THRB: variants seen among roughly 807,000 people sequenced by gnomAD.
THRB encodes the protein thyroid hormone receptor beta.
A neutral mutation model predicts 47.8 loss-of-function variants in THRB; 12 were observed. That is an observed-to-expected ratio of 0.25 (90% confidence interval 0.16 to 0.41). THRB has a LOEUF of 0.41. Ranked by LOEUF, THRB falls within the 10% of genes least tolerant of loss-of-function variation. THRB has a pLI of 1.00. For synonymous variants in THRB, 218 were observed against 212.2 expected (o/e 1.03, Z -0.24); for missense variants, 348 against 589.2 (o/e 0.59, Z 4.24).
intron 1 of THRB, among the ~76,000 whole-genome samples, chr3:24,463,452 T>C (rs900221593): frequency 6.6e-6 from 1 of 152,154 alleles, no homozygotes; most frequent in Non-Finnish European, 1.5e-5. Flanking sequence ...TATTATTTTG[T>C]AGAGACAGGG....
chr3:24,232,809 T>C (rs1167492040), intron 3 of THRB, among the ~76,000 whole-genome samples: 1 of 152,096 alleles, frequency 6.6e-6, no homozygotes, highest in Non-Finnish European at 1.5e-5. Context: ...TTAAGTGACA[T>C]TTAAGAGGTA....
chr3:24,122,535 G>C lies in THRB; in HGVS notation c.*349C>G, dbSNP rs571182513. On this transcript the variant is annotated 3_prime_UTR_variant, in exon 11 of 11. Coordinates refer to ENST00000646209, the MANE Select transcript of THRB (RefSeq NM_001354712.2). ...GTGGTCGTATTATCTTGGTTTTAAG[G>C]CTTCTTTAGTGTCCTGTGGCGCCAT... The C allele has an allele frequency of 8.3e-6, 3 of 360,984 alleles. No homozygotes were observed. Among genetic ancestry groups the C allele is most frequent in the South Asian group, 2.5e-5 (1 of 39,766 alleles). The allele number at this position is 360,984 out of a possible 1,614,324, so 22.4% of individuals were successfully genotyped here.
At chr3:24,149,000 G>A (rs1033952945) in intron 6 of THRB, among the ~76,000 whole-genome samples, 3 of 152,122 alleles carry the variant, frequency 2.0e-5, no homozygotes, top group East Asian at 1.9e-4. Flanking sequence ...TCATTCACAC[G>A]CAGGGCAGTT....
At chr3:24,230,440 C>T (rs2048137779) in intron 3 of THRB, among the ~76,000 whole-genome samples, 2 of 152,166 alleles carry the variant, frequency 1.3e-5, no homozygotes, top group Non-Finnish European at 2.9e-5. Flanking sequence ...GCCAAATTGG[C>T]ACCTGATGGA....
At chr3:24,350,836 C>G (rs1182600092) in intron 1 of THRB, among the ~76,000 whole-genome samples, 1 of 151,994 alleles carries the variant, frequency 6.6e-6, no homozygotes, top group Admixed American at 6.6e-5. Flanking sequence ...AAGGTAATTT[C>G]TTTAAGAAAT....
At chr3:24,331,969 T>C (rs2061957642) in intron 2 of THRB, among the ~76,000 whole-genome samples, 1 of 152,186 alleles carries the variant, frequency 6.6e-6, no homozygotes. Context: ...GGGCCTCCAG[T>C]AGCTGCCTAA....
intron 1 of THRB, among the ~76,000 whole-genome samples, chr3:24,389,617 T>C (rs1213457661): frequency 6.6e-6 from 1 of 152,166 alleles, no homozygotes; most frequent in East Asian, 1.9e-4. Flanking sequence ...TCTAATGGAA[T>C]GCAAAATGTA....
chr3:24,482,124 T>C (rs1696528909), intron 1 of THRB, among the ~76,000 whole-genome samples: 1 of 152,232 alleles, frequency 6.6e-6, no homozygotes, highest in South Asian at 2.1e-4. Flanking sequence ...CTCTCTTTGA[T>C]TTCCTGCCTT....
chr3:24,263,878 A>G (rs1317106390), intron 3 of THRB, among the ~76,000 whole-genome samples: 1 of 152,218 alleles, frequency 6.6e-6, no homozygotes, highest in Non-Finnish European at 1.5e-5. Flanking sequence ...TGTAATAAGT[A>G]CACAAGTCCT....
intron 1 of THRB, among the ~76,000 whole-genome samples, chr3:24,372,343 C>T (rs1026983282): frequency 4.6e-5 from 7 of 152,020 alleles, no homozygotes; most frequent in East Asian, 1.9e-4. Context: ...TCTTATCCTT[C>T]GACCCCTACC....
In THRB at chr3:24,152,500, A is replaced by G; in HGVS notation, c.284-10T>C. ...TAACTGGGGATGTACCCTGTGAAGG[A>G]AATAAAAGAAGGAATATTAAAAAAT... On this transcript the variant is annotated splice_polypyrimidine_tract_variant and intron_variant, in intron 5 of 10. Coordinates refer to ENST00000646209, the MANE Select transcript of THRB (RefSeq NM_001354712.2). The G allele has an allele frequency of 7.3e-7, 1 of 1,371,184 alleles. No individual in the cohort carries two copies. Among genetic ancestry groups the G allele is most frequent in the Non-Finnish European group, 1.0e-6 (1 of 958,818 alleles). 84.9% of individuals were successfully genotyped at this position (1,371,184 alleles called of 1,614,324 possible). A position where few individuals can be genotyped will look rare whatever the true frequency, so the allele number is the denominator to read the frequency against.
At chr3:24,152,667 C>T (rs968399428) in intron 5 of THRB, among the ~76,000 whole-genome samples, 177 bp from the exon 6 acceptor site, 11 of 152,008 alleles carry the variant, frequency 7.2e-5, no homozygotes, top group Non-Finnish European at 1.5e-4. Flanking sequence ...AACATAGGCC[C>T]AGGATTTCAG....
intron 10 of THRB, 86 bp from the exon 11 acceptor site, chr3:24,123,211 G>A (rs2032024558): frequency 6.3e-7 from 1 of 1,591,658 alleles, no homozygotes; most frequent in Non-Finnish European, 8.6e-7. Flanking sequence ...TTATTGGGGG[G>A]CGGGCAGATC....
intron 3 of THRB, among the ~76,000 whole-genome samples, chr3:24,260,940 C>T (rs1394487746): frequency 6.6e-6 from 1 of 152,190 alleles, no homozygotes; most frequent in Admixed American, 6.5e-5. Flanking sequence ...TTGCTGGCCC[C>T]AACCCCAGAG....
chr3:24,370,173 A>C (rs546749445), intron 1 of THRB, among the ~76,000 whole-genome samples: 1 of 152,280 alleles, frequency 6.6e-6, no homozygotes, highest in South Asian at 2.1e-4. Flanking sequence ...AATAATAAAA[A>C]GTCAGCTGAC....
chr3:24,289,283 A>C (rs1170351580), intron 3 of THRB, among the ~76,000 whole-genome samples: 3 of 152,246 alleles, frequency 2.0e-5, no homozygotes, highest in Admixed American at 2.0e-4. Context: ...TGTTTCATAA[A>C]CTGTATCACA....
intron 8 of THRB, among the ~76,000 whole-genome samples, chr3:24,135,075 A>T (rs1338437513): frequency 6.6e-6 from 1 of 152,066 alleles, no homozygotes; most frequent in Admixed American, 6.5e-5. Flanking sequence ...TGCATTTCTA[A>T]CAAGTTCCCA....
chr3:24,467,542 G>A (rs2074252986), intron 1 of THRB, among the ~76,000 whole-genome samples: 1 of 152,162 alleles, frequency 6.6e-6, no homozygotes, highest in African/African-American at 2.4e-5. Context: ...ATTACTCTTT[G>A]ATCCATAGGC....
chr3:24,135,817 A>G (rs2034549652), intron 8 of THRB, among the ~76,000 whole-genome samples: 1 of 82,174 alleles, frequency 1.2e-5, no homozygotes, highest in Non-Finnish European at 2.4e-5. Context: ...AAAGGCAGAG[A>G]GTCATATATA....
Sources: allele counts gnomAD v4.1 joint callset (sites outside exome capture counted in the v4.1 genomes callset), GRCh38; gene constraint gnomAD v4.1.1; transcripts MANE v1.5; gene names NCBI Gene and HGNC (gene_info 2026-07-23, HGNC 2026-07-21).